The following ECSCR variants were observed in gnomAD, a reference collection of about 807,000 sequenced individuals.
The protein encoded by ECSCR is endothelial cell surface expressed chemotaxis and apoptosis regulator.
A neutral mutation model predicts 16.7 loss-of-function variants in ECSCR; 12 were observed. The ratio of observed to expected loss-of-function variants is 0.72; its 90% confidence interval spans 0.46 to 1.17. The LOEUF is 1.17. Among genes scored for constraint, ECSCR ranks in the 50% most tolerant of loss-of-function variants. ECSCR has a pLI of 0.00. For synonymous variants in ECSCR, 44 were observed against 42.2 expected (o/e 1.04, Z -0.17); for missense variants, 122 against 116.1 (o/e 1.05, Z -0.23).
intron 1 of ECSCR, 143 bp from the exon 2 acceptor site, chr5:139,458,326 T>G (rs867373001): frequency 4.5e-5 from 10 of 222,234 alleles, no homozygotes; most frequent in Non-Finnish European, 8.1e-5. Flanking sequence ...TTTTGTTTTG[T>G]TTTTTTTTTT....
chr5:139,461,552 C>T (rs1751304092), intron 1 of ECSCR, among the ~76,000 whole-genome samples: 1 of 152,158 alleles, frequency 6.6e-6, no homozygotes, highest in Non-Finnish European at 1.5e-5. Flanking sequence ...GGAAAAGTCT[C>T]GGCCTGTGAA....
intron 4 of ECSCR, 50 bp downstream of exon 4, chr5:139,457,495 C>G: frequency 2.6e-6 from 2 of 780,608 alleles, no homozygotes; most frequent in Non-Finnish European, 2.4e-6. Context: ...CTGTTGGGGT[C>G]CTCACTGGGC....
chr5:139,462,691 G>T lies in ECSCR; in HGVS notation c.-21C>A. 6.4e-7 allele frequency: 1 copy of T among 1,567,372 alleles called. No individual in the cohort carries two copies. The highest frequency in any genetic ancestry group is 1.9e-5 in the Admixed American group (1 of 53,304). ...CCCATGTCAGCTGGGTATGTGGCGG[G>T]CAGGCAGCAGCTCAGTGGAGGCTCT... On this transcript the variant is annotated 5_prime_UTR_variant, in exon 1 of 10. Transcript: ENST00000618155.
At position 139,454,809 on chromosome 5, in the gene ECSCR, A is replaced by T. The variant is rs1751122251; in HGVS notation, c.475+16T>A. On this transcript the variant is annotated intron_variant, in intron 7 of 9. Transcript: ENST00000618155. The stretch of plus-strand genomic sequence containing the variant: ...CCAGCAGAGGGGAAAAAGATCCCCG[A>T]GGGCAGGGCACGCACCTTCAGACTC... The T allele has an allele frequency of 2.5e-6, 1 of 398,490 alleles. No individual in the cohort carries two copies. The highest frequency in any genetic ancestry group is 4.4e-6 in the Non-Finnish European group (1 of 226,090). The allele number at this position is 398,490 out of a possible 1,614,324, so 24.7% of individuals were successfully genotyped here.
chr5:139,450,465 C>T (rs1439443150), intron 8 of ECSCR, among the ~76,000 whole-genome samples: 1 of 140,088 alleles, frequency 7.1e-6, no homozygotes, highest in Non-Finnish European at 1.6e-5. Flanking sequence ...GGCAACAGAG[C>T]AAGCCTGTCC....
At chr5:139,457,355 GCCTGGGCT>G in intron 4 of ECSCR, among the ~76,000 whole-genome samples, 182 bp downstream of exon 4, 1 of 152,246 alleles carries the variant, frequency 6.6e-6, no homozygotes, top group East Asian at 1.9e-4. Context: ...ACTGACATGT[GCCTGGGCT>G]CCCACACTTC....
At chr5:139,458,002 TGGTGAGTC>T (rs1751197362) in intron 2 of ECSCR, 129 bp downstream of exon 2, 27 of 1,164,862 alleles carry the variant, frequency 2.3e-5, no homozygotes, top group Admixed American at 4.2e-5. Flanking sequence ...AGCTCAGCCT[TGGTGAGTC>T]CTGAGAGCTC....
intron 7 of ECSCR, 83 bp from the exon 8 acceptor site, chr5:139,454,721 C>A: frequency 2.5e-6 from 1 of 398,356 alleles, no homozygotes; most frequent in South Asian, 1.3e-4. Flanking sequence ...CACCTGGGGA[C>A]CCTCCGGCTC....
At chr5:139,454,511 T>C (rs1751115029) in intron 8 of ECSCR, 91 bp downstream of exon 8, 2 of 395,378 alleles carry the variant, frequency 5.1e-6, no homozygotes, top group South Asian at 2.6e-4. Context: ...GTGTGGTGTG[T>C]GGGTGTGTGG....
chr5:139,462,634 T>A lies in ECSCR; in HGVS notation c.37A>T (p.Ile13Phe). ...CCTCGGAACAGGAGGAAGCCCAGGA[T>A]CACCCAGCACAGCTGCATGGCTCCT... is the stretch of plus-strand genomic sequence containing the variant. ...TAGAMQLCWV[I>F]LGFLLFRGHN... is the part of the protein sequence containing the mutation. The change falls in exon 1 of 10, where the codon ATC (isoleucine) becomes TTC (phenylalanine). Residue 13 changes from isoleucine (I) to phenylalanine (F), a missense_variant. Coordinates refer to ENST00000618155, the MANE Select transcript of ECSCR (RefSeq NM_001077693.4). The A allele has an allele frequency of 6.3e-7, 1 of 1,598,224 alleles. No homozygotes were observed. Among genetic ancestry groups the A allele is most frequent in the African/African-American group, 1.3e-5 (1 of 74,700 alleles).
intron 8 of ECSCR, among the ~76,000 whole-genome samples, 175 bp from the exon 9 acceptor site, chr5:139,449,349 T>C (rs1216930002): frequency 1.3e-5 from 2 of 152,122 alleles, no homozygotes; most frequent in African/African-American, 4.8e-5. Context: ...ATTTATTTAT[T>C]TATTTAGAGA....
chr5:139,458,062 A>G, intron 2 of ECSCR, 77 bp downstream of exon 2: 1 of 1,461,952 alleles, frequency 6.8e-7, no homozygotes, highest in Non-Finnish European at 9.4e-7. Flanking sequence ...TTAAGGCTAA[A>G]TTGGCATAGA....
chr5:139,458,387 AG>A (rs1751210827), intron 1 of ECSCR, among the ~76,000 whole-genome samples: 1 of 147,798 alleles, frequency 6.8e-6, no homozygotes, highest in South Asian at 2.1e-4. Flanking sequence ...CTAGCTACTC[AG>A]GAGGCTGAGG....
At chr5:139,449,049 G>T in intron 9 of ECSCR, 29 bp downstream of exon 9, 1 of 1,534,378 alleles carries the variant, frequency 6.5e-7, no homozygotes, top group Non-Finnish European at 8.7e-7. Flanking sequence ...TGAATTTGGG[G>T]AAGGAAGGCA....
At chr5:139,457,928 A>G (rs1373667878) in intron 2 of ECSCR, 121 bp from the exon 3 acceptor site, 1 of 1,227,108 alleles carries the variant, frequency 8.1e-7, no homozygotes, top group Non-Finnish European at 1.2e-6. Context: ...ATTCCCAACC[A>G]TTCACCTCTT....
intron 1 of ECSCR, among the ~76,000 whole-genome samples, chr5:139,460,169 T>C (rs1164344225): frequency 6.6e-6 from 1 of 152,010 alleles, no homozygotes; most frequent in Admixed American, 6.6e-5. Context: ...AGTTTCGCTC[T>C]TGGTCACCCA....
At chr5:139,451,947 A>G (rs1751061155) in intron 8 of ECSCR, among the ~76,000 whole-genome samples, 1 of 133,130 alleles carries the variant, frequency 7.5e-6, no homozygotes, top group African/African-American at 2.9e-5. Context: ...TTTATGATGT[A>G]TGTGGGATGT....
At chr5:139,452,651 T>C (rs1265969782) in intron 8 of ECSCR, among the ~76,000 whole-genome samples, 1 of 8 alleles carries the variant, frequency 0.12, no homozygotes, top group African/African-American at 0.5. Context: ...GTGTGGTGTA[T>C]GCATAGTGNN....
At chr5:139,459,553 G>A (rs1463387640) in intron 1 of ECSCR, among the ~76,000 whole-genome samples, 1 of 152,216 alleles carries the variant, frequency 6.6e-6, no homozygotes, top group Non-Finnish European at 1.5e-5. Flanking sequence ...GTCCCGCTGT[G>A]TATGTGGAAC....
Sources: allele counts gnomAD v4.1 joint callset (sites outside exome capture counted in the v4.1 genomes callset), GRCh38; gene constraint gnomAD v4.1.1; transcripts MANE v1.5; gene names NCBI Gene and HGNC (gene_info 2026-07-23, HGNC 2026-07-21).